The following ODAD2 variants were observed in gnomAD, a reference collection of about 807,000 sequenced individuals.
ODAD2 encodes the protein outer dynein arm docking complex subunit 2.
A neutral mutation model predicts 106.8 loss-of-function variants in ODAD2; 89 were observed. The observed-to-expected ratio is 0.83, with a 90% CI of 0.70 to 0.99. The LOEUF (loss-of-function observed/expected upper bound fraction) is 0.99, where lower values mean the gene tolerates loss of function less well. ODAD2 is among the 50% of genes least tolerant of loss of function. The pLI, the probability that ODAD2 is intolerant of heterozygous loss-of-function variation, is 0.00. For synonymous variants in ODAD2, 404 were observed against 436.2 expected (o/e 0.93, Z 0.92); for missense variants, 1,168 against 1,238.5 (o/e 0.94, Z 0.85).
chr10:27,868,321 T>C (rs1017725046), intron 17 of ODAD2, among the ~76,000 whole-genome samples: 10 of 152,196 alleles, frequency 6.6e-5, no homozygotes, highest in African/African-American at 2.4e-4. Flanking sequence ...AGAAATCCCA[T>C]TACTTGGGTA....
intron 7 of ODAD2, among the ~76,000 whole-genome samples, chr10:27,973,491 C>A (rs1349139950): frequency 6.6e-6 from 1 of 152,080 alleles, no homozygotes; most frequent in Non-Finnish European, 1.5e-5. Context: ...CTCCTCCCAC[C>A]CTCCAATCTC....
chr10:27,995,234 C>T (rs1225628586), intron 1 of ODAD2, 54 bp from the exon 2 acceptor site: 2 of 1,510,364 alleles, frequency 1.3e-6, no homozygotes, highest in Non-Finnish European at 1.8e-6. Flanking sequence ...TTCCTTGGAA[C>T]ATTTTTCATT....
chr10:27,883,031 A>G (rs1841853696), intron 17 of ODAD2, among the ~76,000 whole-genome samples: 1 of 152,050 alleles, frequency 6.6e-6, no homozygotes, highest in Admixed American at 6.6e-5. Flanking sequence ...GTGTACAGAG[A>G]TTTGAAAAAC....
intron 17 of ODAD2, among the ~76,000 whole-genome samples, chr10:27,885,810 T>TAA (rs1447786083): frequency 2.3e-5 from 2 of 88,610 alleles, no homozygotes; most frequent in African/African-American, 4.6e-5. Flanking sequence ...ATAAAATATA[T>TAA]ATTATATATA....
intron 17 of ODAD2, among the ~76,000 whole-genome samples, chr10:27,878,489 C>A (rs1841494034): frequency 1.3e-5 from 2 of 151,994 alleles, no homozygotes; most frequent in Admixed American, 1.3e-4. Flanking sequence ...ATACATAATG[C>A]AACTTTAAAG....
chr10:27,986,947 A>G (rs968108881), intron 3 of ODAD2, among the ~76,000 whole-genome samples: 13 of 152,360 alleles, frequency 8.5e-5, no homozygotes, highest in African/African-American at 3.1e-4. Context: ...CTAAAGAAAG[A>G]GCCTACATTC....
intron 19 of ODAD2, among the ~76,000 whole-genome samples, chr10:27,851,560 G>T (rs1266002626): frequency 6.6e-6 from 1 of 151,540 alleles, no homozygotes; most frequent in Non-Finnish European, 1.5e-5. Context: ...ACACTAGATG[G>T]CAATAAAGGC....
intron 16 of ODAD2, among the ~76,000 whole-genome samples, chr10:27,924,235 T>C (rs1033516823): frequency 1.3e-5 from 2 of 150,848 alleles, no homozygotes; most frequent in Admixed American, 6.6e-5. Context: ...AAATTCTCTG[T>C]GTAGTTAAAA....
At chr10:27,930,464 T>C (rs1401937616) in intron 16 of ODAD2, among the ~76,000 whole-genome samples, 2 of 151,830 alleles carry the variant, frequency 1.3e-5, no homozygotes, top group Non-Finnish European at 2.9e-5. Flanking sequence ...CAGTGAACAA[T>C]GATGGCACCA....
intron 9 of ODAD2, 23 bp downstream of exon 9, chr10:27,968,900 C>A: frequency 1.7e-6 from 1 of 580,600 alleles, no homozygotes; most frequent in Non-Finnish European, 3.1e-6. Context: ...TTAGGGAACT[C>A]GTCTTGCTGA....
intron 9 of ODAD2, among the ~76,000 whole-genome samples, chr10:27,962,164 C>A (rs537164606): frequency 1.3e-5 from 2 of 152,188 alleles, no homozygotes; most frequent in East Asian, 3.8e-4. Flanking sequence ...TCATAATAAA[C>A]AAAACAGTGA....
chr10:27,840,901 A>G (rs1227790247), intron 19 of ODAD2, among the ~76,000 whole-genome samples: 1 of 152,204 alleles, frequency 6.6e-6, no homozygotes, highest in Non-Finnish European at 1.5e-5. Context: ...GATGCATCAG[A>G]CTGTCGAGCT....
At chr10:27,996,130 T>C (rs1452253105) in intron 1 of ODAD2, among the ~76,000 whole-genome samples, 1 of 152,244 alleles carries the variant, frequency 6.6e-6, no homozygotes, top group Admixed American at 6.5e-5. Flanking sequence ...AATGAACATT[T>C]AATGCTTTTT....
chr10:27,862,547 C>A lies in ODAD2; in HGVS notation c.2686G>T (p.Glu896Ter), dbSNP rs755285563. 2 of 1,610,918 alleles carry A rather than the reference C, an allele frequency of 1.2e-6. No homozygotes were observed. Among genetic ancestry groups the A allele is most frequent in the Non-Finnish European group, 8.5e-7 (1 of 1,178,618 alleles). The change falls in exon 18 of 20, where the codon GAA (glutamate) becomes TAA (stop). Residue 896 changes from glutamate to a stop codon, truncating the protein, a stop_gained. Transcript: ENST00000305242. LOFTEE classifies it high-confidence loss of function. ...IVNLLKSDNK[E>*]VLASVCAAIT... ...GCAGCACATACACTTGCCAGAACTT[C>A]TTTGTTATCTGATTTCAGTAAATTG...
chr10:27,837,339 A>G (rs1305591791), intron 19 of ODAD2, among the ~76,000 whole-genome samples: 1 of 152,214 alleles, frequency 6.6e-6, no homozygotes, highest in Non-Finnish European at 1.5e-5. Context: ...TTTTGTTTTT[A>G]CTTCTCTGTA....
intron 10 of ODAD2, among the ~76,000 whole-genome samples, chr10:27,954,306 A>C (rs998248246): frequency 3.3e-5 from 5 of 152,246 alleles, no homozygotes; most frequent in Non-Finnish European, 7.3e-5. Flanking sequence ...GCATATTTTA[A>C]GGAACAAAAA....
intron 17 of ODAD2, among the ~76,000 whole-genome samples, chr10:27,864,307 G>T (rs1014713254): frequency 3.3e-5 from 5 of 149,816 alleles, no homozygotes; most frequent in Non-Finnish European, 7.4e-5. Context: ...TGGTTTTCTT[G>T]GGGTGGCATA....
At chr10:27,901,771 A>G (rs1424179888) in intron 17 of ODAD2, among the ~76,000 whole-genome samples, 1 of 152,226 alleles carries the variant, frequency 6.6e-6, no homozygotes, top group Non-Finnish European at 1.5e-5. Context: ...ACTGACCTAA[A>G]TATATATGCA....
In ODAD2 at chr10:27,970,301, A is replaced by G. The variant is rs546854088; in HGVS notation, c.1142+807T>C. On this transcript the variant is annotated intron_variant, in intron 8 of 19. Transcript: ENST00000305242. ...GTCCACTTTATATAGGTCCATTCAT[A>G]TTTTTGAGACTCTAGCCTTTTCATG... 9.9e-5 allele frequency among the ~76,000 whole-genome samples: 15 copies of G among 152,116 alleles called. No individual in the cohort carries two copies. In the South Asian group the frequency reaches 2.5e-3, roughly 25 times the overall value.
Sources: gnomAD v4.1 joint callset for allele counts (sites outside exome capture counted in the v4.1 genomes callset) on GRCh38, gnomAD v4.1.1 for gene constraint, MANE v1.5 for transcripts, NCBI Gene and HGNC (gene_info 2026-07-23, HGNC 2026-07-21) for gene names.